MAP4K4: variants seen among roughly 807,000 people sequenced by gnomAD.
MAP4K4 encodes the protein HPK/GCK-like kinase HGK.
A neutral mutation model predicts 189.6 loss-of-function variants in MAP4K4; 38 were observed. That is an observed-to-expected ratio of 0.20 (90% confidence interval 0.15 to 0.26). The LOEUF (loss-of-function observed/expected upper bound fraction) is 0.26. Ranked by LOEUF, MAP4K4 falls within the 10% of genes least tolerant of loss-of-function variation. MAP4K4 has a pLI of 1.00. For missense variants in MAP4K4, 1,054 were observed against 1,726.9 expected (o/e 0.61, Z 6.91); for synonymous variants, 610 against 624.3 (o/e 0.98, Z 0.34).
rs141620134 is a variant in MAP4K4 at position 101,703,193 on chromosome 2, G to A, written c.123+4655G>A. The stretch of plus-strand genomic sequence containing the variant: ...GGTCCAGTGACAGGAGGTGAAGGCC[G>A]AGGCGGGATAGTGGCAGTGGTGGTA... On this transcript the variant is annotated intron_variant, in intron 2 of 32. Coordinates refer to ENST00000324219, the Ensembl canonical transcript of MAP4K4. Among the ~76,000 whole-genome samples the A allele has an allele frequency of 1.1e-3, 172 of 152,216 alleles. 2 individuals carry two copies. Among genetic ancestry groups the A allele is most frequent in the African/African-American group, 3.6e-3 (151 of 41,530 alleles).
chr2:101,738,571 G>C (rs1168022012), intron 2 of MAP4K4, among the ~76,000 whole-genome samples: 1 of 152,136 alleles, frequency 6.6e-6, no homozygotes, highest in Admixed American at 6.5e-5. Context: ...AAATAGAATA[G>C]TGATCTGCAG....
In MAP4K4 at chr2:101,797,898, T is replaced by TTTTTTTTTTTTTTTTTTTTTTTTTTTTTC; in HGVS notation, c.180+7134_180+7135insTTTTTTTTTTTTTTTTCTTTTTTTTTTTT. Among the ~76,000 whole-genome samples the TTTTTTTTTTTTTTTTTTTTTTTTTTTTTC allele has an allele frequency of 1.6e-5, 2 of 128,326 alleles. 1 individual carries two copies. The highest frequency in any genetic ancestry group is 6.0e-5 in the African/African-American group (2 of 33,400). The allele number at this position is 128,326 out of a possible 152,430, so 84.2% of individuals were successfully genotyped here. A position where few individuals can be genotyped will look rare whatever the true frequency, so the allele number is the denominator to read the frequency against. ...TTAAAACATTCTTTTAGTTTTTTTT[T>TTTTTTTTTTTTTTTTTTTTTTTTTTTTTC]TTTTTTTTTTTTGGAGACCAAGGTC... On this transcript the variant is annotated intron_variant, in intron 3 of 32. Coordinates refer to ENST00000324219, the Ensembl canonical transcript of MAP4K4.
At chr2:101,864,812 T>C (rs1577019880) in intron 17 of MAP4K4, 118 bp from the exon 18 acceptor site, 1 of 662,038 alleles carries the variant, frequency 1.5e-6, no homozygotes, top group Non-Finnish European at 2.7e-6. Flanking sequence ...GGAGTGGAGG[T>C]GATAGGAAGG....
chr2:101,808,054 A>G (rs1403666131), intron 3 of MAP4K4, among the ~76,000 whole-genome samples: 1 of 152,364 alleles, frequency 6.6e-6, no homozygotes, highest in Middle Eastern at 3.4e-3. Context: ...GTAAAGCCCA[A>G]CAACGGAAGT....
intron 23 of MAP4K4, chr2:101,870,687 C>G (rs1427825625): frequency 2.8e-6 from 1 of 359,172 alleles, no homozygotes; most frequent in Non-Finnish European, 5.2e-6. Flanking sequence ...CAGTCTATGT[C>G]TGAGCGGGAG....
At chr2:101,867,949 T>G (rs1204032607) in intron 20 of MAP4K4, 80 bp from the exon 21 acceptor site, 1 of 1,420,426 alleles carries the variant, frequency 7.0e-7, no homozygotes, top group Non-Finnish European at 9.9e-7. Flanking sequence ...TCTCCCCTTC[T>G]TTCTCCCGCG....
intron 3 of MAP4K4, among the ~76,000 whole-genome samples, chr2:101,796,434 G>A (rs2093699587): frequency 6.6e-6 from 1 of 152,168 alleles, no homozygotes; most frequent in African/African-American, 2.4e-5. Context: ...GTGAAGAACT[G>A]CAGCTCAGAG....
intron 2 of MAP4K4, among the ~76,000 whole-genome samples, chr2:101,722,811 A>G (rs1034489630): frequency 6.6e-6 from 1 of 152,226 alleles, no homozygotes; most frequent in African/African-American, 2.4e-5. Flanking sequence ...CATGTTCTCT[A>G]CGTTGTACAT....
At chr2:101,800,337 G>A (rs1286949487) in intron 3 of MAP4K4, among the ~76,000 whole-genome samples, 1 of 152,140 alleles carries the variant, frequency 6.6e-6, no homozygotes, top group East Asian at 1.9e-4. Flanking sequence ...GGCTCAAGCA[G>A]TCCTCCTGCC....
intron 2 of MAP4K4, among the ~76,000 whole-genome samples, chr2:101,788,961 G>A (rs1242381445): frequency 6.6e-6 from 1 of 152,104 alleles, no homozygotes; most frequent in African/African-American, 2.4e-5. Context: ...GGGATCTTAG[G>A]TGTTACCCTA....
chr2:101,862,627 T>C (rs1416168615), intron 16 of MAP4K4, among the ~76,000 whole-genome samples: 1 of 152,250 alleles, frequency 6.6e-6, no homozygotes, highest in Non-Finnish European at 1.5e-5. Context: ...ATTTGTGTAG[T>C]AACTAGAAAG....
chr2:101,832,127 GC>G (rs2096610454), intron 7 of MAP4K4, among the ~76,000 whole-genome samples: 1 of 152,054 alleles, frequency 6.6e-6, no homozygotes, highest in Non-Finnish European at 1.5e-5. Flanking sequence ...GTTCCTATTT[GC>G]TATCCATTTT....
At chr2:101,815,641 A>G (rs981159224) in intron 3 of MAP4K4, among the ~76,000 whole-genome samples, 4 of 152,122 alleles carry the variant, frequency 2.6e-5, no homozygotes, top group African/African-American at 9.7e-5. Flanking sequence ...ATTTTTTATA[A>G]CATACTTGAC....
At chr2:101,870,931 T>C (rs2097989741) in intron 23 of MAP4K4, among the ~76,000 whole-genome samples, 1 of 152,246 alleles carries the variant, frequency 6.6e-6, no homozygotes, top group Admixed American at 6.5e-5. Context: ...TTCTCACTTG[T>C]TGAATAATTA....
chr2:101,888,106 A>C (rs1463451629), intron 31 of MAP4K4, among the ~76,000 whole-genome samples, 169 bp downstream of exon 31: 2 of 152,242 alleles, frequency 1.3e-5, no homozygotes, highest in Admixed American at 6.5e-5. Flanking sequence ...GGAAATAGTC[A>C]TAGGTCTATT....
At chr2:101,758,961 G>A (rs939206463) in intron 2 of MAP4K4, among the ~76,000 whole-genome samples, 17 of 151,690 alleles carry the variant, frequency 1.1e-4, no homozygotes, top group Non-Finnish European at 2.5e-4. Flanking sequence ...GTGAAACCGC[G>A]TCTCTACTAA....
intron 3 of MAP4K4, among the ~76,000 whole-genome samples, chr2:101,800,514 A>G (rs771704793): frequency 1.7e-4 from 26 of 152,256 alleles, no homozygotes; most frequent in Non-Finnish European, 3.1e-4. Context: ...ATGTGCTACT[A>G]TATTTTAATA....
intron 3 of MAP4K4, among the ~76,000 whole-genome samples, chr2:101,802,940 C>T (rs1444695962): frequency 6.6e-6 from 1 of 152,024 alleles, no homozygotes; most frequent in Non-Finnish European, 1.5e-5. Flanking sequence ...CGTCTGCCAC[C>T]ATGCCCAGCT....
chr2:101,826,428 G>T (rs1228366519), intron 5 of MAP4K4, among the ~76,000 whole-genome samples: 1 of 152,098 alleles, frequency 6.6e-6, no homozygotes, highest in Admixed American at 6.5e-5. Context: ...TGTGAAGGGT[G>T]GGGTAGGGTG....
Sources: gnomAD v4.1 joint callset for allele counts (sites outside exome capture counted in the v4.1 genomes callset) on GRCh38, gnomAD v4.1.1 for gene constraint, MANE v1.5 for transcripts, NCBI Gene and HGNC (gene_info 2026-07-23, HGNC 2026-07-21) for gene names.